The following FGF12 variants were observed in gnomAD, a reference collection of about 807,000 sequenced individuals.
FGF12 encodes the protein fibroblast growth factor 12.
In FGF12, 14 loss-of-function variants were observed where a neutral mutation model predicts 23.6. The observed-to-expected ratio is 0.59, with a 90% CI of 0.39 to 0.93. The LOEUF (loss-of-function observed/expected upper bound fraction) is 0.93. Among genes scored for constraint, FGF12 ranks in the 40% least tolerant of loss-of-function variants. The pLI, the probability that FGF12 is intolerant of heterozygous loss-of-function variation, is 0.00. For missense variants in FGF12, 175 were observed against 217.8 expected, an observed-to-expected ratio of 0.80 and a Z score of 1.24; for synonymous variants, 62 against 77.3, an observed-to-expected ratio of 0.80 and a Z score of 1.04.
chr3:192,564,924 T>G (rs1712207945), intron 2 of FGF12, among the ~76,000 whole-genome samples: 1 of 152,236 alleles, frequency 6.6e-6, no homozygotes, highest in Non-Finnish European at 1.5e-5. Flanking sequence ...GCTGTGGGAC[T>G]TTCCCACACC....
chr3:192,517,429 T>G (rs893366894), intron 2 of FGF12, among the ~76,000 whole-genome samples: 2 of 152,220 alleles, frequency 1.3e-5, no homozygotes, highest in South Asian at 2.1e-4. Context: ...ATTGTAAACT[T>G]TTAGGATGCA....
At chr3:192,707,306 T>C (rs1399658015) in intron 2 of FGF12, among the ~76,000 whole-genome samples, 1 of 152,124 alleles carries the variant, frequency 6.6e-6, no homozygotes, top group Admixed American at 6.5e-5. Flanking sequence ...GTACTTAGAA[T>C]GCAAGGAGGT....
At chr3:192,269,591 A>T in intron 4 of FGF12, among the ~76,000 whole-genome samples, 1 of 152,170 alleles carries the variant, frequency 6.6e-6, no homozygotes, top group East Asian at 1.9e-4. Flanking sequence ...AGTGTTTGGC[A>T]CATTAAAAGG....
chr3:192,164,845 G>T (rs1217472832), intron 5 of FGF12, among the ~76,000 whole-genome samples: 3 of 152,082 alleles, frequency 2.0e-5, no homozygotes, highest in African/African-American at 7.2e-5. Flanking sequence ...CAGCAAGTTA[G>T]CTAATCTCTT....
intron 2 of FGF12, among the ~76,000 whole-genome samples, chr3:192,679,884 AG>A (rs916906400): frequency 1.3e-5 from 2 of 152,184 alleles, no homozygotes; most frequent in African/African-American, 4.8e-5. Flanking sequence ...GTGGCAGGGA[AG>A]GAGAGAGTAA....
At chr3:192,510,024 C>A (rs1047413528) in intron 2 of FGF12, among the ~76,000 whole-genome samples, 1 of 152,106 alleles carries the variant, frequency 6.6e-6, no homozygotes, top group African/African-American at 2.4e-5. Context: ...CGGCGGGGCT[C>A]TTCATCACAG....
At chr3:192,164,111 G>A (rs1715026734) in intron 5 of FGF12, among the ~76,000 whole-genome samples, 1 of 152,060 alleles carries the variant, frequency 6.6e-6, no homozygotes, top group Non-Finnish European at 1.5e-5. Flanking sequence ...TCTTGAAGGA[G>A]GAGGGAGGAG....
intron 2 of FGF12, among the ~76,000 whole-genome samples, chr3:192,445,459 C>T (rs149356231): frequency 1.4e-3 from 209 of 152,244 alleles, no homozygotes; most frequent in African/African-American, 4.6e-3. Context: ...TTTTATAGCC[C>T]AGCTTCCTAG....
chr3:192,569,578 T>C (rs1712499835), intron 2 of FGF12, among the ~76,000 whole-genome samples: 1 of 152,220 alleles, frequency 6.6e-6, no homozygotes, highest in Non-Finnish European at 1.5e-5. Flanking sequence ...AAAGATAATG[T>C]CCAAAATTAG....
intron 2 of FGF12, among the ~76,000 whole-genome samples, chr3:192,675,389 C>T (rs79485784): frequency 0.033 from 5,057 of 151,530 alleles, 233 homozygotes; most frequent in East Asian, 0.2. Flanking sequence ...ATGATAAAAC[C>T]AAGAATCCTT....
intron 4 of FGF12, among the ~76,000 whole-genome samples, chr3:192,318,041 C>A (rs1051186901): frequency 6.6e-6 from 1 of 152,196 alleles, no homozygotes; most frequent in African/African-American, 2.4e-5. Context: ...CTTGGGGTGC[C>A]CCCTAATGCA....
intron 4 of FGF12, among the ~76,000 whole-genome samples, chr3:192,178,072 A>T (rs905074401): frequency 3.3e-5 from 5 of 152,058 alleles, no homozygotes; most frequent in Non-Finnish European, 7.4e-5. Flanking sequence ...TAAAATCTGA[A>T]TTTTTTCTTC....
chr3:192,241,908 T>G (rs1222030913), intron 4 of FGF12, among the ~76,000 whole-genome samples: 2 of 152,148 alleles, frequency 1.3e-5, no homozygotes. Flanking sequence ...CAACTGTTCT[T>G]GAGTATATCT....
chr3:192,270,866 A>G (rs1713394049), intron 4 of FGF12, among the ~76,000 whole-genome samples: 1 of 152,120 alleles, frequency 6.6e-6, no homozygotes, highest in African/African-American at 2.4e-5. Flanking sequence ...ATTCAATGGG[A>G]AGAAAATAGG....
intron 2 of FGF12, among the ~76,000 whole-genome samples, chr3:192,508,475 T>C (rs1452260237): frequency 6.6e-6 from 1 of 152,242 alleles, no homozygotes; most frequent in East Asian, 1.9e-4. Context: ...AAGTACTCGC[T>C]GGATGTCTCT....
At chr3:192,584,521 CTACTGTTGCCCTAGA>C (rs1336658975) in intron 2 of FGF12, among the ~76,000 whole-genome samples, 2 of 152,040 alleles carry the variant, frequency 1.3e-5, no homozygotes, top group African/African-American at 2.4e-5. Context: ...AATGTGCTGC[CTACTGTTGCCCTAGA>C]TACTTTCAGA....
chr3:192,720,511 A>T (rs917305741), intron 2 of FGF12, among the ~76,000 whole-genome samples: 3 of 152,108 alleles, frequency 2.0e-5, no homozygotes. Flanking sequence ...ATAGATCCTT[A>T]AAAAATCCTA....
At chr3:192,577,275 G>T (rs1312006724) in intron 2 of FGF12, among the ~76,000 whole-genome samples, 1 of 152,170 alleles carries the variant, frequency 6.6e-6, no homozygotes, top group Non-Finnish European at 1.5e-5. Context: ...AAACGATTTT[G>T]TGTTTGTTTA....
At chr3:192,246,129 T>C (rs1363358662) in intron 4 of FGF12, among the ~76,000 whole-genome samples, 1 of 152,152 alleles carries the variant, frequency 6.6e-6, no homozygotes, top group African/African-American at 2.4e-5. Context: ...AAATGCTTCC[T>C]CCAAAAGCAT....
Sources: allele counts gnomAD v4.1 joint callset (sites outside exome capture counted in the v4.1 genomes callset), GRCh38; gene constraint gnomAD v4.1.1; transcripts MANE v1.5; gene names NCBI Gene and HGNC (gene_info 2026-07-23, HGNC 2026-07-21).